Variants in NCAM1 observed in about 807,000 individuals in gnomAD.
NCAM1 encodes the protein neural cell adhesion molecule 1.
Under a neutral mutation model 109.8 loss-of-function variants are expected in NCAM1, and 14 were observed. That is an observed-to-expected ratio of 0.13 (90% CI 0.08 to 0.20). The LOEUF (loss-of-function observed/expected upper bound fraction) is 0.20. Among genes scored for constraint, NCAM1 ranks in the 10% least tolerant of loss-of-function variants. The pLI, the probability that NCAM1 is intolerant of heterozygous loss-of-function variation, is 1.00. For synonymous variants in NCAM1, 418 were observed against 442.9 expected (o/e 0.94, Z 0.70); for missense variants, 774 against 1,109.9 (o/e 0.70, Z 4.30).
intron 9 of NCAM1, among the ~76,000 whole-genome samples, chr11:113,225,898 C>G (rs1944829520): frequency 6.6e-6 from 1 of 152,110 alleles, no homozygotes; most frequent in East Asian, 1.9e-4. Flanking sequence ...ATTTTGTCAC[C>G]ACCAGGCCTG....
At chr11:113,050,030 G>A (rs573652034) in intron 1 of NCAM1, among the ~76,000 whole-genome samples, 5 of 151,254 alleles carry the variant, frequency 3.3e-5, no homozygotes, top group South Asian at 4.2e-4. Context: ...TTGTCTCCTC[G>A]TGGCTGGTAT....
chr11:113,074,047 C>T (rs552968803), intron 1 of NCAM1, among the ~76,000 whole-genome samples: 12 of 152,238 alleles, frequency 7.9e-5, no homozygotes, highest in African/African-American at 2.4e-4. Context: ...AGAAACACGT[C>T]GGTGTGGAAG....
intron 1 of NCAM1, among the ~76,000 whole-genome samples, chr11:112,994,310 T>A (rs1218971332): frequency 6.6e-6 from 1 of 152,232 alleles, no homozygotes; most frequent in Non-Finnish European, 1.5e-5. Flanking sequence ...ACTCATGATC[T>A]TTTAGCCTCT....
At chr11:113,194,358 C>T (rs1426569155) in intron 1 of NCAM1, among the ~76,000 whole-genome samples, 1 of 152,124 alleles carries the variant, frequency 6.6e-6, no homozygotes, top group Non-Finnish European at 1.5e-5. Context: ...ATCCTTTCCC[C>T]CTTCACTCTG....
chr11:113,008,019 C>T lies in NCAM1; in HGVS notation c.52+46355C>T, dbSNP rs569922187. ...TAAAAAAATTTGAAGTAATAAGGCA[C>T]CGTGTCAATTTAATTGACAGCTTTT... On this transcript the variant is annotated intron_variant, in intron 1 of 19. Coordinates refer to ENST00000316851, the MANE Select transcript of NCAM1 (RefSeq NM_181351.5). Among the ~76,000 whole-genome samples, 11 of 152,284 alleles carry T rather than the reference C, an allele frequency of 7.2e-5. 1 individual carries two copies. The South Asian group carries it at 2.1e-3, about 29-fold the overall frequency.
At chr11:113,091,866 C>T (rs1199987558) in intron 1 of NCAM1, among the ~76,000 whole-genome samples, 1 of 152,206 alleles carries the variant, frequency 6.6e-6, no homozygotes, top group African/African-American at 2.4e-5. Context: ...CTTTCTACTA[C>T]ACCAGAGAGT....
chr11:113,182,671 A>G (rs985771005), intron 1 of NCAM1, among the ~76,000 whole-genome samples: 2 of 151,954 alleles, frequency 1.3e-5, no homozygotes, highest in Non-Finnish European at 2.9e-5. Context: ...GAATCCCCCC[A>G]GAGTTAGGGG....
Position 112,964,152 on chromosome 11 carries a change from T to TG in NCAM1, c.52+2488_52+2489insG, listed in dbSNP as rs1464981055. Reference sequence around the variant, plus strand: ...AGGTTTTTTTTTTGTTTTTTTTTTTTTTGTTTTTTTTTTGGACTCAAATGT... The same window carrying TG: ...AGGTTTTTTTTTTGTTTTTTTTTTTTGTTGTTTTTTTTTTGGACTCAAATGT... On this transcript the variant is annotated intron_variant, in intron 1 of 19. Transcript: ENST00000316851. Among the ~76,000 whole-genome samples the TG allele has an allele frequency of 5.4e-4, 3 of 5,568 alleles. No individual in the cohort carries two copies. The East Asian group carries it at 0.02, about 37-fold the overall frequency. 3.7% of individuals were successfully genotyped at this position (5,568 alleles called of 152,430 possible). A position where few individuals can be genotyped will look rare whatever the true frequency, so the allele number is the denominator to read the frequency against.
chr11:113,104,502 C>T (rs1310705463), intron 1 of NCAM1, among the ~76,000 whole-genome samples: 2 of 151,894 alleles, frequency 1.3e-5, no homozygotes, highest in African/African-American at 2.4e-5. Context: ...TAAAAAAACA[C>T]GCAGATCCAA....
At chr11:113,043,746 G>T (rs1243808970) in intron 1 of NCAM1, among the ~76,000 whole-genome samples, 1 of 152,026 alleles carries the variant, frequency 6.6e-6, no homozygotes, top group Non-Finnish European at 1.5e-5. Flanking sequence ...TCTCCTCATT[G>T]CCGTGAGCAT....
rs959799571 is a variant in NCAM1, at chr11:113,274,562, G to A, written c.2457-705G>A. On this transcript the variant is annotated intron_variant, in intron 19 of 19. Coordinates refer to ENST00000316851, the MANE Select transcript of NCAM1 (RefSeq NM_181351.5). The surrounding 1 kb of genome is among the most constrained non-coding windows in gnomAD (Gnocchi z 4.1). ...CATGCTGCCACCATGGGCTGCAAGG[G>A]GCTCTCGCCAGGAGCCCTGAATCTC... Among the ~76,000 whole-genome samples, 1 of 152,168 alleles carries A rather than the reference G, an allele frequency of 6.6e-6. No individual in the cohort carries two copies. Among genetic ancestry groups the A allele is most frequent in the Non-Finnish European group, 1.5e-5 (1 of 68,036 alleles).
chr11:113,149,321 T>C lies in NCAM1; in HGVS notation c.53-53058T>C, dbSNP rs543504262. ...AACAATGACAAGAGCAAACATATGT[T>C]GAGGGATTCACTGGAGCGCCACATG... On this transcript the variant is annotated intron_variant, in intron 1 of 19. Coordinates refer to ENST00000316851, the MANE Select transcript of NCAM1 (RefSeq NM_181351.5). 2.0e-5 allele frequency among the ~76,000 whole-genome samples: 3 copies of C among 152,210 alleles called. No individual in the cohort carries two copies. In the East Asian group the frequency reaches 5.8e-4, roughly 29 times the overall value.
chr11:113,124,668 A>T (rs978035657), intron 1 of NCAM1, among the ~76,000 whole-genome samples: 1 of 152,212 alleles, frequency 6.6e-6, no homozygotes, highest in Non-Finnish European at 1.5e-5. Flanking sequence ...CTTTCCTTGG[A>T]TTATAACTTA....
At chr11:113,184,689 A>G (rs970693002) in intron 1 of NCAM1, among the ~76,000 whole-genome samples, 26 of 152,090 alleles carry the variant, frequency 1.7e-4, no homozygotes, top group African/African-American at 6.3e-4. Flanking sequence ...GGAGCTTTGG[A>G]CATGACTCAC....
intron 9 of NCAM1, chr11:113,231,345 C>T: frequency 6.6e-7 from 1 of 1,504,034 alleles, no homozygotes; most frequent in Non-Finnish European, 8.9e-7. Flanking sequence ...ACATCCCAAA[C>T]AAAGTCATCT....
In NCAM1 at chr11:113,183,455, AG is replaced by A. The variant is rs1462910306; in HGVS notation, c.53-18921del. ...CTTAGGAAATACACGCAAATGAAAG[AG>A]GGTTTGCTGTCAGGTAGTGGAGAGC... On this transcript the variant is annotated intron_variant, in intron 1 of 19. Transcript: ENST00000316851. Among the ~76,000 whole-genome samples the A allele has an allele frequency of 3.3e-5, 5 of 152,378 alleles. No homozygotes were observed. The East Asian group carries it at 7.7e-4, about 23-fold the overall frequency.
chr11:113,126,419 A>G (rs1941180859), intron 1 of NCAM1, among the ~76,000 whole-genome samples: 1 of 152,066 alleles, frequency 6.6e-6, no homozygotes, highest in African/African-American at 2.4e-5. Context: ...CTTGAACCCA[A>G]GGTACAGAGT....
intron 1 of NCAM1, among the ~76,000 whole-genome samples, chr11:113,085,581 C>T (rs1181119430): frequency 1.3e-5 from 2 of 152,220 alleles, no homozygotes; most frequent in African/African-American, 2.4e-5. Context: ...TTAAGCCTCT[C>T]CTAAATCTCT....
chr11:112,992,715 G>C (rs1951497594), intron 1 of NCAM1, among the ~76,000 whole-genome samples: 1 of 151,988 alleles, frequency 6.6e-6, no homozygotes, highest in Non-Finnish European at 1.5e-5. Context: ...CACTGCATTA[G>C]CTGGAATGAT....
Sources: gnomAD v4.1 joint callset for allele counts (sites outside exome capture counted in the v4.1 genomes callset) on GRCh38, gnomAD v4.1.1 for gene constraint, Gnocchi (gnomAD v3.1) non-coding constraint, MANE v1.5 for transcripts, NCBI Gene and HGNC (gene_info 2026-07-23, HGNC 2026-07-21) for gene names.